TEX9: variants seen among roughly 807,000 people sequenced by gnomAD.
The protein encoded by TEX9 is testis-expressed protein 9.
TEX9 carries 74 observed loss-of-function variants against 59.6 expected under a neutral mutation model. The ratio of observed to expected loss-of-function variants is 1.24; its 90% CI spans 1.03 to 1.51. The LOEUF (loss-of-function observed/expected upper bound fraction) is 1.51, where lower values mean the gene tolerates loss of function less well. Ranked by LOEUF, TEX9 falls within the 40% of genes most tolerant of loss-of-function variation. The pLI, the probability that TEX9 is intolerant of heterozygous loss-of-function variation, is 0.00. For synonymous variants in TEX9, 186 were observed against 152.2 expected (o/e 1.22, Z -1.64); for missense variants, 522 against 447.8 (o/e 1.17, Z -1.49).
chr15:56,443,863 C>A, intron 12 of TEX9: 2 of 1,577,296 alleles, frequency 1.3e-6, no homozygotes, highest in South Asian at 1.2e-5. Flanking sequence ...CCCTGAAAAG[C>A]AATAACAAGT....
rs184459966 is a variant in TEX9, at chr15:56,418,323, T to C, written c.963+5887T>C. Reference sequence around the variant, plus strand: ...TTTTGTCTTAGCTGGTAGTGGTCTTTGCTTTCTATGTTTAATGCTTCTTTC... The same window carrying C: ...TTTTGTCTTAGCTGGTAGTGGTCTTCGCTTTCTATGTTTAATGCTTCTTTC... On this transcript the variant is annotated intron_variant, in intron 10 of 12. Transcript: ENST00000352903. 2.3e-4 allele frequency among the ~76,000 whole-genome samples: 35 copies of C among 152,012 alleles called. 1 individual carries two copies. The highest frequency in any genetic ancestry group is 8.2e-4 in the African/African-American group (34 of 41,284).
At chr15:56,278,932 G>T (rs752285960) in intron 1 of TEX9, among the ~76,000 whole-genome samples, 2 of 151,932 alleles carry the variant, frequency 1.3e-5, no homozygotes, top group African/African-American at 2.4e-5. Context: ...TATTAAAAAG[G>T]GGTCTTCCTC....
intron 1 of TEX9, chr15:56,249,076 A>G (rs1175333362): frequency 1.3e-5 from 2 of 152,240 alleles, no homozygotes; most frequent in Non-Finnish European, 2.9e-5. Context: ...AACACTACAC[A>G]TGTCAGCCCA....
intron 12 of TEX9, chr15:56,428,614 T>TTGAG: frequency 2.0e-6 from 1 of 499,350 alleles, no homozygotes; most frequent in East Asian, 3.0e-5. Context: ...TTAGCTCTTT[T>TTGAG]TGAGTTGTTT....
In TEX9 at chr15:56,252,640, A is replaced by T. The variant is rs1271409228; in HGVS notation, c.-107+8362A>T. Among the ~76,000 whole-genome samples the T allele has an allele frequency of 2.0e-5, 3 of 152,132 alleles. No individual in the cohort carries two copies. In the East Asian group the frequency reaches 5.8e-4, roughly 29 times the overall value. Reference sequence around the variant, plus strand: ...TGGCCAGCTTTGTTCCTTTTAAGGAAAAGAGTCTGCTGCGTGCTTCCTGTA... The same window carrying T: ...TGGCCAGCTTTGTTCCTTTTAAGGATAAGAGTCTGCTGCGTGCTTCCTGTA... On this transcript the variant is annotated intron_variant, in intron 1 of 5. Coordinates refer to the TEX9 transcript ENST00000560827.
At chr15:56,434,611 A>G (rs1467011105) in intron 12 of TEX9, among the ~76,000 whole-genome samples, 1 of 152,148 alleles carries the variant, frequency 6.6e-6, no homozygotes. Context: ...TCATGAACAA[A>G]TTTTAATTTA....
At chr15:56,430,703 T>C (rs1241655130) in intron 12 of TEX9, among the ~76,000 whole-genome samples, 2 of 152,124 alleles carry the variant, frequency 1.3e-5, no homozygotes, top group African/African-American at 4.8e-5. Context: ...ATCTTTGGCA[T>C]GTAAGTACTA....
chr15:56,300,685 CAGAGAGAGAG>C (rs71110380), intron 1 of TEX9, among the ~76,000 whole-genome samples: 36,908 of 115,352 alleles, frequency 0.32, 5,225 homozygotes, highest in Middle Eastern at 0.46. Flanking sequence ...AGCAACTCAG[CAGAGAGAGAG>C]AGAGAGAGAG....
At chr15:56,272,517 G>A (rs2044559920) in intron 1 of TEX9, among the ~76,000 whole-genome samples, 1 of 152,196 alleles carries the variant, frequency 6.6e-6, no homozygotes, top group African/African-American at 2.4e-5. Context: ...TCAGTTGATA[G>A]GCACTTGGGT....
chr15:56,278,379 A>G (rs1204585679), intron 1 of TEX9, among the ~76,000 whole-genome samples: 1 of 152,198 alleles, frequency 6.6e-6, no homozygotes, highest in Non-Finnish European at 1.5e-5. Context: ...TGATTCCCTC[A>G]ATCCAAAAAA....
chr15:56,340,029 A>C (rs1171722838), intron 1 of TEX9, among the ~76,000 whole-genome samples: 1 of 152,132 alleles, frequency 6.6e-6, no homozygotes, highest in Non-Finnish European at 1.5e-5. Flanking sequence ...CAAAGTGGAT[A>C]ATGACTTGGG....
intron 1 of TEX9, among the ~76,000 whole-genome samples, chr15:56,339,338 ACGCCACTG>A (rs11278414): frequency 0.024 from 3,248 of 132,678 alleles, 124 homozygotes; most frequent in African/African-American, 0.088. Flanking sequence ...AGCCCTGATC[ACGCCACTG>A]CACTGCAGCC....
intron 9 of TEX9, chr15:56,395,969 T>C (rs1396780682): frequency 6.6e-6 from 1 of 152,196 alleles, no homozygotes; most frequent in Non-Finnish European, 1.5e-5. Context: ...GTTTTAAATT[T>C]TGATGAAGTC....
chr15:56,252,935 T>C (rs2141304149), intron 1 of TEX9, among the ~76,000 whole-genome samples: 2 of 152,280 alleles, frequency 1.3e-5, no homozygotes, highest in Middle Eastern at 6.8e-3. Context: ...ACACAATGCT[T>C]TACACATAGT....
chr15:56,286,172 CA>C (rs1257801371), intron 1 of TEX9, among the ~76,000 whole-genome samples: 1 of 151,996 alleles, frequency 6.6e-6, no homozygotes, highest in Non-Finnish European at 1.5e-5. Context: ...TGCAGATGAA[CA>C]AAAAGCAGAA....
intron 3 of TEX9, among the ~76,000 whole-genome samples, chr15:56,375,651 G>C (rs1312794014): frequency 6.6e-6 from 1 of 152,074 alleles, no homozygotes; most frequent in Non-Finnish European, 1.5e-5. Context: ...GGTTTTAGGT[G>C]TAACGTTTAA....
intron 1 of TEX9, among the ~76,000 whole-genome samples, chr15:56,323,964 G>T (rs1016495055): frequency 2.6e-5 from 4 of 152,100 alleles, no homozygotes; most frequent in African/African-American, 9.7e-5. Flanking sequence ...ACACACTAAT[G>T]GATATGTCTT....
intron 9 of TEX9, among the ~76,000 whole-genome samples, chr15:56,398,963 C>A (rs764150090): frequency 5.3e-5 from 8 of 152,168 alleles, no homozygotes; most frequent in African/African-American, 1.9e-4. Context: ...GAAACCCTGT[C>A]TCTACTAAAA....
chr15:56,428,187 C>G (rs1008441004), intron 11 of TEX9, among the ~76,000 whole-genome samples, 180 bp from the exon 12 acceptor site: 1 of 152,004 alleles, frequency 6.6e-6, no homozygotes, highest in Non-Finnish European at 1.5e-5. Context: ...TAAGTTGGTT[C>G]AGTACTACTG....
Sources: gnomAD v4.1 joint callset for allele counts (sites outside exome capture counted in the v4.1 genomes callset) on GRCh38, gnomAD v4.1.1 for gene constraint, MANE v1.5 for transcripts, NCBI Gene and HGNC (gene_info 2026-07-23, HGNC 2026-07-21) for gene names.